Variants in TCF20 observed in about 807,000 individuals in gnomAD.
TCF20 encodes transcription factor 20.
TCF20 carries 3 observed loss-of-function variants against 148.6 expected under a neutral mutation model. The observed-to-expected ratio is 0.02, with a 90% CI of 0.01 to 0.05. The LOEUF (loss-of-function observed/expected upper bound fraction) is 0.05, where lower values mean the gene tolerates loss of function less well. Among genes scored for constraint, TCF20 ranks in the 10% least tolerant of loss-of-function variants. TCF20 has a pLI of 1.00. For synonymous variants in TCF20, 1,049 were observed against 909.5 expected, an observed-to-expected ratio of 1.15 and a Z score of -2.76; for missense variants, 2,350 against 2,429.3, an observed-to-expected ratio of 0.97 and a Z score of 0.69.
At chr22:42,331,302 G>C (rs560469929) in intron 1 of TCF20, among the ~76,000 whole-genome samples, 1 of 152,136 alleles carries the variant, frequency 6.6e-6, no homozygotes, top group Non-Finnish European at 1.5e-5. Context: ...CAGTCCTGCC[G>C]CACGCCCTGG....
chr22:42,264,300 G>T (rs1926171356), intron 1 of TCF20, among the ~76,000 whole-genome samples: 1 of 151,092 alleles, frequency 6.6e-6, no homozygotes. Flanking sequence ...GGGGAGGGGG[G>T]AGAAACAGAC....
intron 1 of TCF20, among the ~76,000 whole-genome samples, chr22:42,343,328 G>A (rs1488365974): frequency 1.3e-5 from 2 of 152,252 alleles, no homozygotes; most frequent in East Asian, 3.9e-4. Context: ...CAGCCTTTGA[G>A]CCTCACACCC....
intron 5 of TCF20, among the ~76,000 whole-genome samples, chr22:42,163,234 G>A (rs143338886): frequency 2.6e-5 from 4 of 152,288 alleles, no homozygotes; most frequent in African/African-American, 9.6e-5. Context: ...AGCAGCCAGG[G>A]TCTGCCTGGC....
intron 2 of TCF20, among the ~76,000 whole-genome samples, chr22:42,206,710 T>C (rs746565115): frequency 6.6e-6 from 1 of 152,096 alleles, no homozygotes; most frequent in Non-Finnish European, 1.5e-5. Flanking sequence ...AATTGGGAGA[T>C]AGGGGACATG....
At chr22:42,343,207 A>C (rs1341218429) in intron 1 of TCF20, among the ~76,000 whole-genome samples, 4 of 152,020 alleles carry the variant, frequency 2.6e-5, no homozygotes, top group African/African-American at 9.7e-5. Flanking sequence ...ACCTTGAGCG[A>C]GCCATTTGCC....
chr22:42,341,513 A>G (rs1377508930), intron 1 of TCF20, among the ~76,000 whole-genome samples: 1 of 152,112 alleles, frequency 6.6e-6, no homozygotes, highest in South Asian at 2.1e-4. Context: ...TCAAAGGCAG[A>G]GGGTCAATCC....
intron 2 of TCF20, among the ~76,000 whole-genome samples, chr22:42,196,276 G>C (rs1937598452): frequency 6.6e-6 from 1 of 152,192 alleles, no homozygotes; most frequent in Admixed American, 6.5e-5. Flanking sequence ...GCTGCCTGGG[G>C]AATGAGGTGA....
chr22:42,175,004 C>T (rs917645403), intron 3 of TCF20, among the ~76,000 whole-genome samples: 2 of 151,128 alleles, frequency 1.3e-5, no homozygotes, highest in African/African-American at 2.4e-5. Flanking sequence ...CACTGCACTC[C>T]AGTCGGGGCA....
chr22:42,302,490 A>G (rs964369647), intron 1 of TCF20, among the ~76,000 whole-genome samples: 3 of 152,082 alleles, frequency 2.0e-5, no homozygotes, highest in Non-Finnish European at 4.4e-5. Context: ...GGAGGCCACT[A>G]GCCATGCCCC....
chr22:42,233,312 T>C (rs1160905960), intron 1 of TCF20, among the ~76,000 whole-genome samples: 1 of 152,152 alleles, frequency 6.6e-6, no homozygotes, highest in Non-Finnish European at 1.5e-5. Context: ...GCTCAGAAAG[T>C]TTAGTAACTC....
intron 2 of TCF20, among the ~76,000 whole-genome samples, chr22:42,193,620 G>A (rs1345030343): frequency 6.6e-6 from 1 of 152,056 alleles, no homozygotes; most frequent in East Asian, 1.9e-4. Context: ...GAGCCACCAT[G>A]CCCAGGCCCA....
upstream of TCF20, among the ~76,000 whole-genome samples, chr22:42,272,304 A>G (rs1319871046): frequency 6.6e-6 from 1 of 152,244 alleles, no homozygotes; most frequent in Non-Finnish European, 1.5e-5. Context: ...AGAGGCACTC[A>G]GCACAAATCA....
chr22:42,341,472 T>A (rs1928167297), intron 1 of TCF20, among the ~76,000 whole-genome samples: 1 of 151,846 alleles, frequency 6.6e-6, no homozygotes, highest in Non-Finnish European at 1.5e-5. Context: ...TCCCAGCGAA[T>A]CCAGGTGGGT....
intron 1 of TCF20, among the ~76,000 whole-genome samples, chr22:42,243,327 G>T (rs988235703): frequency 9.0e-5 from 9 of 100,088 alleles, no homozygotes; most frequent in Non-Finnish European, 1.8e-4. Flanking sequence ...AAAAAGTCAG[G>T]CATGATGGCT....
At chr22:42,303,414 C>T (rs1173257358) in intron 1 of TCF20, among the ~76,000 whole-genome samples, 2 of 152,258 alleles carry the variant, frequency 1.3e-5, no homozygotes, top group African/African-American at 4.8e-5. Flanking sequence ...TCCTAGTGGA[C>T]ACTCCGAGCG....
chr22:42,199,706 CAAAAAAAAAAAAAAAAA>C (rs59845847), intron 2 of TCF20, among the ~76,000 whole-genome samples: 2 of 33,872 alleles, frequency 5.9e-5, no homozygotes, highest in Non-Finnish European at 1.1e-4. Context: ...CCCATCTCTA[CAAAAAAAAAAAAAAAAA>C]AAAAAAAAAA....
At chr22:42,190,594 G>T (rs1338705836) in intron 2 of TCF20, among the ~76,000 whole-genome samples, 2 of 152,232 alleles carry the variant, frequency 1.3e-5, no homozygotes, top group African/African-American at 4.8e-5. Flanking sequence ...GTGCTTGTCT[G>T]CAAGGCTATG....
intron 1 of TCF20, among the ~76,000 whole-genome samples, chr22:42,262,050 A>G (rs1926056110): frequency 6.6e-6 from 1 of 152,138 alleles, no homozygotes; most frequent in African/African-American, 2.4e-5. Flanking sequence ...AAAAAAGTGA[A>G]TGTGACTGGA....
intron 1 of TCF20, among the ~76,000 whole-genome samples, chr22:42,275,777 C>T (rs938784433): frequency 1.3e-5 from 2 of 152,142 alleles, no homozygotes; most frequent in Non-Finnish European, 2.9e-5. Context: ...GCTCCAAAGC[C>T]CCCACAGAGT....
Sources: allele counts gnomAD v4.1 joint callset (sites outside exome capture counted in the v4.1 genomes callset), GRCh38; gene constraint gnomAD v4.1.1; transcripts MANE v1.5; gene names NCBI Gene and HGNC (gene_info 2026-07-23, HGNC 2026-07-21).